The following CACNA1C variants were observed in gnomAD, a reference collection of about 807,000 sequenced individuals.
CACNA1C encodes calcium voltage-gated channel subunit alpha1 C.
CACNA1C carries 30 observed loss-of-function variants against 229.0 expected under a neutral mutation model. That is an observed-to-expected ratio of 0.13 (90% CI 0.10 to 0.18). CACNA1C has a LOEUF of 0.18. Ranked by LOEUF, CACNA1C falls within the 10% of genes least tolerant of loss-of-function variation. CACNA1C has a pLI of 1.00. For synonymous variants in CACNA1C, 1,114 were observed against 1,132.5 expected (o/e 0.98, Z 0.33); for missense variants, 1,658 against 2,845.0 (o/e 0.58, Z 9.49).
At chr12:2,323,467 G>A (rs1169340703) in intron 3 of CACNA1C, among the ~76,000 whole-genome samples, 5 of 152,098 alleles carry the variant, frequency 3.3e-5, no homozygotes, top group Non-Finnish European at 7.4e-5. Context: ...CTGAGAGGAC[G>A]GTGAGTGTCG....
At chr12:2,579,617 G>A (rs1484734822) in intron 13 of CACNA1C, among the ~76,000 whole-genome samples, 10 of 152,122 alleles carry the variant, frequency 6.6e-5, no homozygotes, top group East Asian at 1.9e-4. Flanking sequence ...GTCTCACTCC[G>A]TCACCCAGGA....
At chr12:2,266,809 C>T (rs1014739984) in intron 3 of CACNA1C, among the ~76,000 whole-genome samples, 1 of 152,196 alleles carries the variant, frequency 6.6e-6, no homozygotes, top group African/African-American at 2.4e-5. Flanking sequence ...AGGGCTCGAG[C>T]TGGGCAGGCC....
At position 2,017,330 on chromosome 12, in the gene CACNA1C, C is replaced by T. The variant is rs76173019; in HGVS notation, c.139+46129C>T. Among the ~76,000 whole-genome samples the T allele has an allele frequency of 1.4e-4, 21 of 152,230 alleles. No individual in the cohort carries two copies. In the East Asian group the frequency reaches 3.5e-3, roughly 25 times the overall value. The stretch of plus-strand genomic sequence containing the variant: ...CAGCTTTGAAATTTAATTGTGGCCT[C>T]GTTAGTAATCATATAAAGAATTCCG... On this transcript the variant is annotated intron_variant, in intron 1 of 46. Transcript: ENST00000682462.
intron 3 of CACNA1C, among the ~76,000 whole-genome samples, chr12:2,365,945 G>GA (rs935109394): frequency 1.3e-5 from 2 of 152,178 alleles, no homozygotes; most frequent in African/African-American, 4.8e-5. Context: ...GATTCAGGCA[G>GA]AAAAATATGA....
intron 3 of CACNA1C, among the ~76,000 whole-genome samples, chr12:2,281,311 G>T (rs978170076): frequency 2.0e-5 from 3 of 152,094 alleles, no homozygotes; most frequent in Non-Finnish European, 4.4e-5. Context: ...TGTTTAGGCA[G>T]TCAATGATCT....
chr12:2,385,690 A>G (rs528324640), intron 3 of CACNA1C, among the ~76,000 whole-genome samples: 1 of 152,348 alleles, frequency 6.6e-6, no homozygotes, highest in South Asian at 2.1e-4. Flanking sequence ...CTTCTGTTTA[A>G]AAGTCTTGAA....
chr12:2,219,182 T>C (rs1464381130), intron 3 of CACNA1C, among the ~76,000 whole-genome samples: 1 of 152,232 alleles, frequency 6.6e-6, no homozygotes, highest in Non-Finnish European at 1.5e-5. Flanking sequence ...CTTCTCTCCC[T>C]TTGTGGAGCT....
rs751350324 is a variant in CACNA1C, at chr12:2,550,075, G to C, written c.1481+42G>C. ...AGCCCAGGGGCTGGGGCTTTTTCTG[G>C]AGCATGGGTGGAAAAGCTGCATCTG... On this transcript the variant is annotated intron_variant, in intron 10 of 46. Coordinates refer to ENST00000399655, the MANE Select transcript of CACNA1C (RefSeq NM_000719.7). 6.1e-5 allele frequency: 80 copies of C among 1,311,660 alleles called. No homozygotes were observed. In the Middle Eastern group the frequency reaches 1.4e-3, roughly 24 times the overall value. 81.3% of individuals were successfully genotyped at this position (1,311,660 alleles called of 1,614,324 possible). A position where few individuals can be genotyped will look rare whatever the true frequency, so the allele number is the denominator to read the frequency against.
Position 2,610,709 on chromosome 12 carries a change from A to G in CACNA1C, c.3717+10A>G. 1 of 1,614,110 alleles carries G rather than the reference A, an allele frequency of 6.2e-7. No homozygotes were observed. The highest frequency in any genetic ancestry group is 8.5e-7 in the Non-Finnish European group (1 of 1,179,926). On this transcript the variant is annotated intron_variant, in intron 28 of 46. Transcript: ENST00000399655. ...CTGCCTGGCCATGCAGGTCAGTCCCAGGAGGAGCACAGCCATGGTGCTGCA... is the reference window on the plus strand; with the variant it reads ...CTGCCTGGCCATGCAGGTCAGTCCCGGGAGGAGCACAGCCATGGTGCTGCA...
chr12:2,576,867 C>T (rs925856490), intron 13 of CACNA1C, among the ~76,000 whole-genome samples: 2 of 152,208 alleles, frequency 1.3e-5, no homozygotes, highest in African/African-American at 2.4e-5. Flanking sequence ...GCCTGCCAGT[C>T]TCCAGAATTC....
chr12:2,045,491 T>G (rs1756285244), intron 1 of CACNA1C, among the ~76,000 whole-genome samples: 1 of 152,216 alleles, frequency 6.6e-6, no homozygotes, highest in African/African-American at 2.4e-5. Context: ...TCAATTTCTC[T>G]AATTAAATAG....
intron 18 of CACNA1C, among the ~76,000 whole-genome samples, chr12:2,591,635 TCAAA>T (rs1290697009): frequency 6.6e-6 from 1 of 151,830 alleles, no homozygotes; most frequent in African/African-American, 2.4e-5. Context: ...GAAGCGCAGC[TCAAA>T]CAGAGAGAGA....
Position 2,653,864 on chromosome 12 carries a change from G to C in CACNA1C, c.4104G>C (p.Val1368=). The change falls in exon 33 of 47, where the codon GTG becomes GTC. Residue 1368 remains valine, a synonymous_variant. Transcript: ENST00000399655. The surrounding 1 kb of genome is among the most constrained non-coding windows in gnomAD (Gnocchi z 4.7). ...QALPYVALLI[V]MLFFIYAVIG... ...TGCCCTATGTGGCCCTCCTGATCGTGATGCTGTTCTTCATCTACGCGGTGA... is the reference window on the plus strand; with the variant it reads ...TGCCCTATGTGGCCCTCCTGATCGTCATGCTGTTCTTCATCTACGCGGTGA... 1 of 1,613,928 alleles carries C rather than the reference G, an allele frequency of 6.2e-7. No individual in the cohort carries two copies. Among genetic ancestry groups the C allele is most frequent in the Non-Finnish European group, 8.5e-7 (1 of 1,179,886 alleles).
At chr12:1,999,389 G>A (rs2154478250) in intron 1 of CACNA1C, among the ~76,000 whole-genome samples, 1 of 152,296 alleles carries the variant, frequency 6.6e-6, no homozygotes, top group South Asian at 2.1e-4. Flanking sequence ...ATCTCAAGAT[G>A]TTTATTATTA....
At chr12:2,447,051 A>G (rs1299941285) in intron 3 of CACNA1C, among the ~76,000 whole-genome samples, 2 of 152,172 alleles carry the variant, frequency 1.3e-5, no homozygotes, top group African/African-American at 2.4e-5. Flanking sequence ...ATCTAGTGGC[A>G]GACATGAAAG....
chr12:2,272,219 A>G (rs1346242464), intron 3 of CACNA1C, among the ~76,000 whole-genome samples: 1 of 152,156 alleles, frequency 6.6e-6, no homozygotes, highest in Non-Finnish European at 1.5e-5. Context: ...CTGCTTCACC[A>G]GGAAAATCTG....
rs112721199 is a variant in CACNA1C at position 2,380,924 on chromosome 12, A to G, written c.478-68052A>G. ...CCAAGGATCACCTACGGAAGGTGCA[A>G]CCTCCTTCCCAGCTGGCCCGTGTGC... On this transcript the variant is annotated intron_variant, in intron 3 of 46. Coordinates refer to ENST00000399655, the MANE Select transcript of CACNA1C (RefSeq NM_000719.7). 6.5e-3 allele frequency among the ~76,000 whole-genome samples: 983 copies of G among 152,210 alleles called. 9 individuals carry two copies. The highest frequency in any genetic ancestry group is 0.022 in the African/African-American group (927 of 41,512).
At chr12:2,303,932 C>T (rs181388282) in intron 3 of CACNA1C, among the ~76,000 whole-genome samples, 159 of 152,308 alleles carry the variant, frequency 1.0e-3, no homozygotes, top group Non-Finnish European at 2.0e-3. Context: ...CACCCCAGTT[C>T]GTATCTGCAC....
At chr12:2,436,646 G>A (rs1351107799) in intron 3 of CACNA1C, among the ~76,000 whole-genome samples, 1 of 152,188 alleles carries the variant, frequency 6.6e-6, no homozygotes, top group African/African-American at 2.4e-5. Context: ...TTTCCACCCA[G>A]GCAGGACTAA....
Sources: gnomAD v4.1 joint callset for allele counts (sites outside exome capture counted in the v4.1 genomes callset) on GRCh38, gnomAD v4.1.1 for gene constraint, Gnocchi (gnomAD v3.1) non-coding constraint, MANE v1.5 for transcripts, NCBI Gene and HGNC (gene_info 2026-07-23, HGNC 2026-07-21) for gene names.